Variants in ZFP91 observed in about 807,000 individuals in gnomAD.
ZFP91 encodes ZFP91 zinc finger protein, atypical E3 ubiquitin ligase, also known as E3 ubiquitin-protein ligase ZFP91.
In ZFP91, 7 loss-of-function variants were observed where a neutral mutation model predicts 63.5. That is an observed-to-expected ratio of 0.11 (90% CI 0.06 to 0.21). The LOEUF (loss-of-function observed/expected upper bound fraction) is 0.21. Among genes scored for constraint, ZFP91 ranks in the 10% least tolerant of loss-of-function variants. The pLI is 1.00. For missense variants in ZFP91, 628 were observed against 736.6 expected, an observed-to-expected ratio of 0.85 and a Z score of 1.71; for synonymous variants, 330 against 272.1, an observed-to-expected ratio of 1.21 and a Z score of -2.10.
At chr11:58,598,113 T>G (rs1026698854) in intron 2 of ZFP91, among the ~76,000 whole-genome samples, 1 of 152,200 alleles carries the variant, frequency 6.6e-6, no homozygotes, top group African/African-American at 2.4e-5. Flanking sequence ...GAAATTATTA[T>G]GTACGGAGTT....
intron 2 of ZFP91, among the ~76,000 whole-genome samples, chr11:58,599,957 A>G (rs1409963027): frequency 6.6e-6 from 1 of 152,110 alleles, no homozygotes; most frequent in African/African-American, 2.4e-5. Context: ...TCACCTACTG[A>G]ATGGTCTTAG....
Position 58,620,813 on chromosome 11 carries a change from A to G in ZFP91, c.*3107A>G, listed in dbSNP as rs1855837530. 6.5e-6 allele frequency: 1 copy of G among 152,680 alleles called. No individual in the cohort carries two copies. Among genetic ancestry groups the G allele is most frequent in the Non-Finnish European group, 1.5e-5 (1 of 68,048 alleles). The allele number at this position is 152,680 out of a possible 1,614,324, so 9.5% of individuals were successfully genotyped here. On this transcript the variant is annotated 3_prime_UTR_variant, in exon 11 of 11. Coordinates refer to ENST00000316059, the MANE Select transcript of ZFP91 (RefSeq NM_053023.5). ...TTGAACAAATGTAATGGATCAATTTAAAATATTTTATTTCTTAAAAGCCTT... is the reference window on the plus strand; with the variant it reads ...TTGAACAAATGTAATGGATCAATTTGAAATATTTTATTTCTTAAAAGCCTT...
chr11:58,615,070 A>G (rs1289712065), intron 9 of ZFP91, among the ~76,000 whole-genome samples: 2 of 152,180 alleles, frequency 1.3e-5, no homozygotes, highest in Non-Finnish European at 2.9e-5. Context: ...TAAATGAAAT[A>G]ACTCCTTCAT....
intron 2 of ZFP91, among the ~76,000 whole-genome samples, chr11:58,593,942 T>C (rs7112901): frequency 3.3e-5 from 5 of 152,334 alleles, no homozygotes; most frequent in African/African-American, 1.2e-4. Context: ...TCTAATTCTT[T>C]CCATATTCAG....
Position 58,617,898 on chromosome 11 carries a change from C to G in ZFP91, c.*192C>G, listed in dbSNP as rs1490123101. 7 of 661,262 alleles carry G rather than the reference C, an allele frequency of 1.1e-5. No individual in the cohort carries two copies. The highest frequency in any genetic ancestry group is 1.5e-5 in the Non-Finnish European group (7 of 465,940). The allele number at this position is 661,262 out of a possible 1,614,324, so 41.0% of individuals were successfully genotyped here. The stretch of plus-strand genomic sequence containing the variant: ...CCCCTGTTCTCCCTCTGTTGCTCCC[C>G]TTATAAAATTGATGTTGTCTTTACC... On this transcript the variant is annotated 3_prime_UTR_variant, in exon 11 of 11. Transcript: ENST00000316059. This position sits in a 1 kb window ranked among gnomAD's most constrained non-coding sequence, Gnocchi z 4.2.
intron 2 of ZFP91, among the ~76,000 whole-genome samples, chr11:58,606,466 T>G (rs1855571770): frequency 6.6e-6 from 1 of 152,218 alleles, no homozygotes; most frequent in Non-Finnish European, 1.5e-5. Flanking sequence ...GTGATTTTCT[T>G]TAGCTCTGAT....
At chr11:58,585,166 A>T (rs2134389697) in intron 2 of ZFP91, among the ~76,000 whole-genome samples, 2 of 152,298 alleles carry the variant, frequency 1.3e-5, no homozygotes, top group Admixed American at 1.3e-4. Flanking sequence ...GGAATGATAC[A>T]CAGTATACAG....
At chr11:58,600,737 C>G (rs991260593) in intron 2 of ZFP91, among the ~76,000 whole-genome samples, 5 of 152,090 alleles carry the variant, frequency 3.3e-5, no homozygotes, top group African/African-American at 1.2e-4. Flanking sequence ...TGTTCCTGAC[C>G]TTAGCAGGAG....
Position 58,579,264 on chromosome 11 carries a change from G to A in ZFP91, c.-18G>A. 2 of 1,418,266 alleles carry A rather than the reference G, an allele frequency of 1.4e-6. No homozygotes were observed. Among genetic ancestry groups the A allele is most frequent in the Non-Finnish European group, 1.8e-6 (2 of 1,096,802 alleles). 87.9% of individuals were successfully genotyped at this position (1,418,266 alleles called of 1,614,324 possible). On this transcript the variant is annotated 5_prime_UTR_variant, in exon 1 of 11. Transcript: ENST00000316059. Reference sequence around the variant, plus strand: ...CTCCGCCGCCTAGGACTAGGGGGTGGGGGACGGACAAGCCCCGATGCCGGG... The same window carrying A: ...CTCCGCCGCCTAGGACTAGGGGGTGAGGGACGGACAAGCCCCGATGCCGGG...
At chr11:58,586,560 T>G (rs532032384) in intron 2 of ZFP91, among the ~76,000 whole-genome samples, 1 of 152,324 alleles carries the variant, frequency 6.6e-6, no homozygotes, top group East Asian at 1.9e-4. Flanking sequence ...TGGATCTAGA[T>G]ATTCTCAAAT....
intron 2 of ZFP91, among the ~76,000 whole-genome samples, chr11:58,609,445 A>G (rs1334202378): frequency 6.6e-6 from 1 of 152,182 alleles, no homozygotes; most frequent in Non-Finnish European, 1.5e-5. Flanking sequence ...ATCTAGATCT[A>G]TGGTTCTTTC....
At chr11:58,598,997 G>A (rs1223951323) in intron 2 of ZFP91, among the ~76,000 whole-genome samples, 1 of 151,794 alleles carries the variant, frequency 6.6e-6, no homozygotes, top group African/African-American at 2.4e-5. Flanking sequence ...ACATTAATCT[G>A]CTTTGTCTCT....
Position 58,579,584 on chromosome 11 carries a change from C to G in ZFP91, c.303C>G (p.Ser101=), listed in dbSNP as rs767086020. 2 of 1,582,474 alleles carry G rather than the reference C, an allele frequency of 1.3e-6. No individual in the cohort carries two copies. Among genetic ancestry groups the G allele is most frequent in the African/African-American group, 1.4e-5 (1 of 71,240 alleles). The change falls in exon 1 of 11, where the codon TCC becomes TCG. Residue 101 remains serine (S), a synonymous_variant. Transcript: ENST00000316059. ...VPGQQPQAAK[S]PSPVQGKKSP... ...GGCAGCAGCCCCAGGCCGCGAAGTCCCCGTCTCCAGTTCAGGGCAAGAAGA... is the reference window on the plus strand; with the variant it reads ...GGCAGCAGCCCCAGGCCGCGAAGTCGCCGTCTCCAGTTCAGGGCAAGAAGA...
chr11:58,593,703 C>G (rs1344633251), intron 2 of ZFP91, among the ~76,000 whole-genome samples: 1 of 152,170 alleles, frequency 6.6e-6, no homozygotes, highest in African/African-American at 2.4e-5. Flanking sequence ...AACTTTAGGC[C>G]TGTTGATGTT....
Position 58,618,522 on chromosome 11 carries a change from G to A in ZFP91, c.*816G>A. On this transcript the variant is annotated 3_prime_UTR_variant, in exon 11 of 11. Coordinates refer to ENST00000316059, the MANE Select transcript of ZFP91 (RefSeq NM_053023.5). The stretch of plus-strand genomic sequence containing the variant: ...TGGCAGAAATTTGCACTTTGAACAT[G>A]TGTGTTTTTGTGTTGTGGAACCTGA... 2.6e-6 allele frequency: 1 copy of A among 382,822 alleles called. No individual in the cohort carries two copies. The highest frequency in any genetic ancestry group is 5.1e-6 in the Non-Finnish European group (1 of 197,526). 23.7% of individuals were successfully genotyped at this position (382,822 alleles called of 1,614,324 possible).
intron 9 of ZFP91, among the ~76,000 whole-genome samples, chr11:58,616,313 CT>C (rs1344753071): frequency 2.6e-5 from 4 of 151,640 alleles, no homozygotes; most frequent in African/African-American, 9.7e-5. Context: ...ATGCCAGATT[CT>C]TTCTGTGTAA....
intron 1 of ZFP91, among the ~76,000 whole-genome samples, chr11:58,579,875 C>G (rs956292400): frequency 1.3e-5 from 2 of 152,164 alleles, no homozygotes; most frequent in African/African-American, 4.8e-5. Flanking sequence ...CACCCCTGCA[C>G]TCGCTAGTGA....
At chr11:58,583,612 C>T (rs1855155203) in intron 1 of ZFP91, among the ~76,000 whole-genome samples, 1 of 151,964 alleles carries the variant, frequency 6.6e-6, no homozygotes, top group Admixed American at 6.6e-5. Context: ...AACCAACTTT[C>T]AAGGTTTTTG....
intron 2 of ZFP91, among the ~76,000 whole-genome samples, chr11:58,606,835 TTAAC>T (rs1241207007): frequency 1.3e-5 from 2 of 152,218 alleles, no homozygotes; most frequent in South Asian, 2.1e-4. Flanking sequence ...TTTATAACCT[TTAAC>T]TATTGTTAAG....
Sources: allele counts gnomAD v4.1 joint callset (sites outside exome capture counted in the v4.1 genomes callset), GRCh38; gene constraint gnomAD v4.1.1; non-coding constraint Gnocchi (gnomAD v3.1); transcripts MANE v1.5; gene names NCBI Gene and HGNC (gene_info 2026-07-23, HGNC 2026-07-21).